Variants in HDAC9 observed in about 807,000 individuals in gnomAD.
HDAC9 encodes MEF-2 interacting transcription repressor (MITR) protein.
In HDAC9, 41 loss-of-function variants were observed where a neutral mutation model predicts 139.4. The observed-to-expected ratio is 0.29, with a 90% CI of 0.23 to 0.38. The LOEUF (loss-of-function observed/expected upper bound fraction) is 0.38. Ranked by LOEUF, HDAC9 falls within the 10% of genes least tolerant of loss-of-function variation. The probability of loss-of-function intolerance (pLI) is 1.00; values close to 1 mark genes in which losing one functional copy is unlikely to be tolerated. For synonymous variants in HDAC9, 517 were observed against 476.2 expected, an observed-to-expected ratio of 1.09 and a Z score of -1.12; for missense variants, 1,147 against 1,297.0, an observed-to-expected ratio of 0.88 and a Z score of 1.78.
At position 18,171,458 on chromosome 7, in the gene HDAC9, G is replaced by A. The variant is rs113572395; in HGVS notation, c.25+9109G>A. On this transcript the variant is annotated intron_variant, in intron 2 of 12. Transcript: ENST00000417496. ...TTATTTCTTTCTCTTGCCTGATTGCGCTGGCCAGAACTTCCAACAGTATGT... is the reference window on the plus strand; with the variant it reads ...TTATTTCTTTCTCTTGCCTGATTGCACTGGCCAGAACTTCCAACAGTATGT... Among the ~76,000 whole-genome samples the A allele has an allele frequency of 7.0e-3, 1,071 of 152,050 alleles. 11 individuals carry two copies. Among genetic ancestry groups the A allele is most frequent in the African/African-American group, 0.024 (1,006 of 41,462 alleles).
At chr7:18,492,438 A>G (rs1017796020), upstream of HDAC9, among the ~76,000 whole-genome samples, 2 of 151,930 alleles carry the variant, frequency 1.3e-5, no homozygotes, top group African/African-American at 2.4e-5. Context: ...GGTAACTTTG[A>G]AATAACATTT....
At chr7:18,142,780 C>T (rs1786002646) in intron 1 of HDAC9, among the ~76,000 whole-genome samples, 1 of 152,240 alleles carries the variant, frequency 6.6e-6, no homozygotes, top group African/African-American at 2.4e-5. Flanking sequence ...CATCCATCCT[C>T]CTAGAGGACG....
At chr7:18,713,465 A>G (rs934614902) in intron 12 of HDAC9, among the ~76,000 whole-genome samples, 1 of 152,180 alleles carries the variant, frequency 6.6e-6, no homozygotes, top group Non-Finnish European at 1.5e-5. Flanking sequence ...TGATTTAGCT[A>G]TTCCGCAATG....
At chr7:18,162,956 C>T (rs1278202002) in intron 2 of HDAC9, among the ~76,000 whole-genome samples, 4 of 152,174 alleles carry the variant, frequency 2.6e-5, no homozygotes, top group Non-Finnish European at 5.9e-5. Flanking sequence ...GGAGCAAACA[C>T]AATCCAAGTT....
At chr7:18,228,008 CATTTCTATCCAG>C (rs1173290610) in intron 2 of HDAC9, among the ~76,000 whole-genome samples, 1 of 152,080 alleles carries the variant, frequency 6.6e-6, no homozygotes, top group Admixed American at 6.6e-5. Context: ...GATTTATTTG[CATTTCTATCCAG>C]AATAAATCAA....
intron 2 of HDAC9, among the ~76,000 whole-genome samples, chr7:18,534,643 A>G (rs539047288): frequency 1.3e-5 from 2 of 152,134 alleles, no homozygotes; most frequent in Non-Finnish European, 2.9e-5. Context: ...CAAGGAAAGA[A>G]TTTTCCCAGC....
chr7:18,893,466 A>C (rs527292498), intron 22 of HDAC9, among the ~76,000 whole-genome samples: 5 of 152,326 alleles, frequency 3.3e-5, no homozygotes, highest in Admixed American at 1.3e-4. Flanking sequence ...TGAAGAAGTC[A>C]AAACTCCCTG....
chr7:18,171,364 C>G (rs1788424757), intron 2 of HDAC9, among the ~76,000 whole-genome samples: 1 of 152,182 alleles, frequency 6.6e-6, no homozygotes, highest in South Asian at 2.1e-4. Context: ...ATGGGGTTTT[C>G]TAAATATACA....
intron 22 of HDAC9, among the ~76,000 whole-genome samples, chr7:18,915,685 C>T (rs989627378): frequency 6.6e-6 from 1 of 151,024 alleles, no homozygotes; most frequent in South Asian, 2.1e-4. Context: ...AAAGCGACCC[C>T]GCATGTGTTC....
chr7:18,931,273 G>C (rs751336425), intron 22 of HDAC9, among the ~76,000 whole-genome samples: 14 of 152,038 alleles, frequency 9.2e-5, no homozygotes, highest in Non-Finnish European at 1.3e-4. Flanking sequence ...TTTTCTGAAT[G>C]TTTATCATTC....
intron 12 of HDAC9, among the ~76,000 whole-genome samples, chr7:18,722,614 C>A (rs1053640538): frequency 6.6e-6 from 1 of 152,060 alleles, no homozygotes; most frequent in African/African-American, 2.4e-5. Context: ...AAGAAGGATG[C>A]TTTTGTTAAT....
At chr7:18,278,473 G>C (rs1212895781) in intron 2 of HDAC9, among the ~76,000 whole-genome samples, 1 of 152,176 alleles carries the variant, frequency 6.6e-6, no homozygotes, top group Non-Finnish European at 1.5e-5. Flanking sequence ...TCTGTATTGT[G>C]CTGTTGCCAC....
chr7:18,840,930 G>C (rs1393570737), intron 21 of HDAC9, among the ~76,000 whole-genome samples: 2 of 151,996 alleles, frequency 1.3e-5, no homozygotes, highest in Non-Finnish European at 2.9e-5. Flanking sequence ...AATGTAGAAA[G>C]GGCATTTAAC....
intron 1 of HDAC9, among the ~76,000 whole-genome samples, chr7:18,139,660 T>TTACCTACAGATGC (rs1785741195): frequency 6.6e-6 from 1 of 152,160 alleles, no homozygotes; most frequent in Admixed American, 6.5e-5. Context: ...TCTGTGAATG[T>TTACCTACAGATGC]TACCTCATAT....
intron 2 of HDAC9, among the ~76,000 whole-genome samples, chr7:18,515,828 C>G (rs909505467): frequency 3.3e-5 from 5 of 152,136 alleles, no homozygotes; most frequent in African/African-American, 4.8e-5. Flanking sequence ...TGAATATCAT[C>G]CATTTACAGC....
chr7:18,878,271 G>A lies in HDAC9; in HGVS notation c.2803+3675G>A, dbSNP rs776916693. Among the ~76,000 whole-genome samples the A allele has an allele frequency of 1.8e-4, 28 of 151,994 alleles. No individual in the cohort carries two copies. The East Asian group carries it at 2.9e-3, about 16-fold the overall frequency. On this transcript the variant is annotated intron_variant, in intron 22 of 25. Coordinates refer to ENST00000686413, the MANE Select transcript of HDAC9 (RefSeq NM_178425.4). ...TTCTTCCCTTTCAACACATACATGC[G>A]TTCACTGCTTTTGTTGGTGTCAGGC... is the stretch of plus-strand genomic sequence containing the variant.
chr7:18,222,383 A>G (rs1054958144), intron 2 of HDAC9, among the ~76,000 whole-genome samples: 4 of 152,150 alleles, frequency 2.6e-5, no homozygotes, highest in Non-Finnish European at 5.9e-5. Flanking sequence ...CGTGTTTTCA[A>G]AAGGGCAGGT....
intron 1 of HDAC9, among the ~76,000 whole-genome samples, chr7:18,322,822 A>G (rs1800129907): frequency 6.6e-6 from 1 of 152,182 alleles, no homozygotes; most frequent in Admixed American, 6.5e-5. Context: ...AGAAGCAAGA[A>G]TAATGTCCCC....
At chr7:18,207,503 C>T (rs1791610603) in intron 2 of HDAC9, among the ~76,000 whole-genome samples, 1 of 145,242 alleles carries the variant, frequency 6.9e-6, no homozygotes, top group African/African-American at 2.6e-5. Flanking sequence ...AACTCCTGGG[C>T]TCAAGCTGTC....
Sources: gnomAD v4.1 joint callset for allele counts (sites outside exome capture counted in the v4.1 genomes callset) on GRCh38, gnomAD v4.1.1 for gene constraint, MANE v1.5 for transcripts, NCBI Gene and HGNC (gene_info 2026-07-23, HGNC 2026-07-21) for gene names.